Variants in PIAS1 observed in about 807,000 individuals in gnomAD.
PIAS1 encodes protein inhibitor of activated STAT 1.
PIAS1 carries 6 observed loss-of-function variants against 71.3 expected under a neutral mutation model. The observed-to-expected ratio is 0.08, with a 90% CI of 0.05 to 0.17. The LOEUF (loss-of-function observed/expected upper bound fraction) is 0.17. PIAS1 is among the 10% of genes least tolerant of loss of function. The pLI is 1.00. For synonymous variants in PIAS1, 303 were observed against 292.9 expected, an observed-to-expected ratio of 1.03 and a Z score of -0.35; for missense variants, 555 against 793.6, an observed-to-expected ratio of 0.70 and a Z score of 3.61.
intron 7 of PIAS1, 32 bp downstream of exon 7, chr15:68,153,727 G>T (rs2092865917): frequency 9.0e-7 from 1 of 1,112,810 alleles, no homozygotes; most frequent in Non-Finnish European, 1.4e-6. Context: ...CACTTATTCA[G>T]CTATTTTGTT....
chr15:68,116,224 G>C (rs1362546264), intron 2 of PIAS1, among the ~76,000 whole-genome samples: 1 of 151,012 alleles, frequency 6.6e-6, no homozygotes, highest in South Asian at 2.1e-4. Context: ...AATACACATG[G>C]GCCTAGAGTT....
intron 8 of PIAS1, among the ~76,000 whole-genome samples, chr15:68,169,661 C>A (rs1471928346): frequency 6.6e-6 from 1 of 152,160 alleles, no homozygotes; most frequent in Non-Finnish European, 1.5e-5. Flanking sequence ...TCTAATGAAG[C>A]TGTTTAATAC....
chr15:68,142,416 A>G (rs2092777443), intron 4 of PIAS1, 79 bp downstream of exon 4: 1 of 1,090,238 alleles, frequency 9.2e-7, no homozygotes, highest in African/African-American at 1.5e-5. Context: ...GTTAAGGTAC[A>G]GTGCTGACTG....
Position 68,171,357 on chromosome 15 carries a change from G to T in PIAS1, c.1009-2375G>T, listed in dbSNP as rs2092990263. ...CAGTTAACTTTTAAAATATATATAAGTAAAGGGAGTACACTCCAAAATAAT... is the reference window on the plus strand; with the variant it reads ...CAGTTAACTTTTAAAATATATATAATTAAAGGGAGTACACTCCAAAATAAT... On this transcript the variant is annotated intron_variant, in intron 8 of 13. Coordinates refer to ENST00000249636, the MANE Select transcript of PIAS1 (RefSeq NM_016166.3). The surrounding 1 kb of genome is among the most constrained non-coding windows in gnomAD (Gnocchi z 4.4). Among the ~76,000 whole-genome samples the T allele has an allele frequency of 6.6e-6, 1 of 151,782 alleles. No homozygotes were observed. The highest frequency in any genetic ancestry group is 2.1e-4 in the South Asian group (1 of 4,826).
intron 2 of PIAS1, among the ~76,000 whole-genome samples, chr15:68,121,303 ACTT>A (rs2092611626): frequency 1.4e-5 from 2 of 146,314 alleles, no homozygotes; most frequent in African/African-American, 5.0e-5. Flanking sequence ...ATTTTACTCC[ACTT>A]CTTACTCTGT....
chr15:68,061,906 G>C (rs1035171515), intron 1 of PIAS1, among the ~76,000 whole-genome samples: 1 of 152,170 alleles, frequency 6.6e-6, no homozygotes, highest in Non-Finnish European at 1.5e-5. Context: ...GTTAGTTTGC[G>C]TCTTTTTGTT....
At chr15:68,179,689 C>T (rs555688905) in intron 11 of PIAS1, among the ~76,000 whole-genome samples, 1 of 147,550 alleles carries the variant, frequency 6.8e-6, no homozygotes, top group East Asian at 2.0e-4. Flanking sequence ...GATTCTCCTG[C>T]CTCAGCCTCC....
chr15:68,062,855 G>A (rs1386078383), intron 1 of PIAS1, among the ~76,000 whole-genome samples: 1 of 152,068 alleles, frequency 6.6e-6, no homozygotes, highest in South Asian at 2.1e-4. Context: ...TTTTACAATA[G>A]ATAGTGAAGA....
chr15:68,156,924 T>C (rs2092894212), intron 7 of PIAS1, among the ~76,000 whole-genome samples: 1 of 152,154 alleles, frequency 6.6e-6, no homozygotes, highest in African/African-American at 2.4e-5. Flanking sequence ...GCTAATGCAG[T>C]GAGGCCAGTT....
Position 68,142,287 on chromosome 15 carries a change from T to C in PIAS1, c.555-3T>C, listed in dbSNP as rs1336477618. 1 of 1,601,584 alleles carries C rather than the reference T, an allele frequency of 6.2e-7. No individual in the cohort carries two copies. Among genetic ancestry groups the C allele is most frequent in the Non-Finnish European group, 8.6e-7 (1 of 1,169,434 alleles). On this transcript the variant is annotated splice_polypyrimidine_tract_variant and splice_region_variant and intron_variant, in intron 3 of 13. Coordinates refer to ENST00000249636, the MANE Select transcript of PIAS1 (RefSeq NM_016166.3). ...ATTGTAATTCCTATTCTGTCTCTTC[T>C]AGGGATATTTCTGGGACCAAATGTG...
intron 12 of PIAS1, 26 bp downstream of exon 12, chr15:68,181,380 T>C: frequency 6.2e-7 from 1 of 1,607,480 alleles, no homozygotes; most frequent in Non-Finnish European, 8.5e-7. Flanking sequence ...TTCTACATTG[T>C]CACATAGCAT....
intron 1 of PIAS1, among the ~76,000 whole-genome samples, chr15:68,072,913 T>C (rs148710982): frequency 4.6e-5 from 7 of 152,268 alleles, no homozygotes; most frequent in Admixed American, 1.3e-4. Context: ...AACTAAAAAA[T>C]TATTGTTTGA....
chr15:68,143,207 G>A (rs947916497), intron 4 of PIAS1, among the ~76,000 whole-genome samples: 1 of 152,024 alleles, frequency 6.6e-6, no homozygotes, highest in African/African-American at 2.4e-5. Flanking sequence ...TCAGTAAGCT[G>A]TTTTCCCTAT....
rs535870537 is a variant in PIAS1 at position 68,104,750 on chromosome 15, C to T, written c.469+18000C>T. On this transcript the variant is annotated intron_variant, in intron 2 of 13. Transcript: ENST00000249636. Reference sequence around the variant, plus strand: ...TTGAGGTGATGGATATCCTAGTTACCCTAATTTAATCATTGCACATTGTAT... The same window carrying T: ...TTGAGGTGATGGATATCCTAGTTACTCTAATTTAATCATTGCACATTGTAT... Among the ~76,000 whole-genome samples the T allele has an allele frequency of 2.0e-4, 30 of 152,132 alleles. No homozygotes were observed. In the South Asian group the frequency reaches 5.8e-3, roughly 30 times the overall value.
intron 1 of PIAS1, among the ~76,000 whole-genome samples, chr15:68,070,087 G>T (rs1018563065): frequency 6.6e-6 from 1 of 152,182 alleles, no homozygotes; most frequent in African/African-American, 2.4e-5. Flanking sequence ...AAGAGTTATT[G>T]TAGGAAGTTT....
chr15:68,096,996 A>G (rs1361847490), intron 2 of PIAS1, among the ~76,000 whole-genome samples: 1 of 152,204 alleles, frequency 6.6e-6, no homozygotes, highest in African/African-American at 2.4e-5. Context: ...TCTTAGAGGA[A>G]AAGCTTTCAG....
Position 68,192,732 on chromosome 15 carries a change from A to G in PIAS1, c.*4897A>G, listed in dbSNP as rs1364411613. ...TGTCTTGTACATCCTCCCAAAAGAC[A>G]CATCCCATTTGATTTGGTTTTCTTC... On this transcript the variant is annotated 3_prime_UTR_variant, in exon 14 of 14. Transcript: ENST00000249636. 6.6e-6 allele frequency: 1 copy of G among 152,254 alleles called. No individual in the cohort carries two copies. The highest frequency in any genetic ancestry group is 1.5e-5 in the Non-Finnish European group (1 of 68,086). The allele number at this position is 152,254 out of a possible 1,614,324, so 9.4% of individuals were successfully genotyped here. A position where few individuals can be genotyped will look rare whatever the true frequency, so the allele number is the denominator to read the frequency against.
intron 2 of PIAS1, among the ~76,000 whole-genome samples, chr15:68,119,763 A>G (rs974874057): frequency 1.4e-4 from 21 of 152,146 alleles, no homozygotes; most frequent in African/African-American, 4.8e-4. Context: ...TGAGAGAGGG[A>G]TGTTAAAATC....
rs1235840014 is a variant in PIAS1, at chr15:68,178,752, A to C, written c.1481+2098A>C. On this transcript the variant is annotated intron_variant, in intron 11 of 13. Coordinates refer to ENST00000249636, the MANE Select transcript of PIAS1 (RefSeq NM_016166.3). The surrounding 1 kb of genome is among the most constrained non-coding windows in gnomAD (Gnocchi z 4.2). ...TCTGTTCTTTAGACTATTAATAGTA[A>C]TATGTATTTATGTAAACTATGCAAT... is the stretch of plus-strand genomic sequence containing the variant. Among the ~76,000 whole-genome samples the C allele has an allele frequency of 2.6e-5, 4 of 152,248 alleles. No homozygotes were observed. Among genetic ancestry groups the C allele is most frequent in the African/African-American group, 9.6e-5 (4 of 41,556 alleles).
Sources: allele counts gnomAD v4.1 joint callset (sites outside exome capture counted in the v4.1 genomes callset), GRCh38; gene constraint gnomAD v4.1.1; non-coding constraint Gnocchi (gnomAD v3.1); transcripts MANE v1.5; gene names NCBI Gene and HGNC (gene_info 2026-07-23, HGNC 2026-07-21).